The following PLCL1 variants were observed in gnomAD, a reference collection of about 807,000 sequenced individuals.
The protein encoded by PLCL1 is inactive phospholipase C-like protein 1.
PLCL1 carries 41 observed loss-of-function variants against 84.4 expected under a neutral mutation model. That is an observed-to-expected ratio of 0.49 (90% CI 0.38 to 0.63). The LOEUF (loss-of-function observed/expected upper bound fraction) is 0.63. PLCL1 is among the 30% of genes least tolerant of loss of function. PLCL1 has a pLI of 0.00. For synonymous variants in PLCL1, 490 were observed against 488.3 expected (o/e 1.00, Z -0.05); for missense variants, 1,206 against 1,367.8 (o/e 0.88, Z 1.87).
chr2:198,085,154 C>G lies in PLCL1; in HGVS notation c.1637C>G (p.Ser546Cys). 6.2e-7 allele frequency: 1 copy of G among 1,613,998 alleles called. No individual in the cohort carries two copies. The highest frequency in any genetic ancestry group is 8.5e-7 in the Non-Finnish European group (1 of 1,179,926). ...ATTGTGAAAGGAAAGAAGTTGCCTT[C>G]TGATCCAGATGTGTTAGAAGGAGAA... is the stretch of plus-strand genomic sequence containing the variant. ...MIIVKGKKLP[S>C]DPDVLEGEVT... is the part of the protein sequence containing the mutation. The change falls in exon 2 of 6, where the codon TCT becomes TGT. Residue 546 changes from serine (S) to cysteine (C), a missense_variant. By Grantham distance (112) the Ser-to-Cys change is moderately radical. Transcript: ENST00000428675. The surrounding 1 kb of genome is among the most constrained non-coding windows in gnomAD (Gnocchi z 5.3).
intron 1 of PLCL1, among the ~76,000 whole-genome samples, chr2:197,918,505 C>T (rs182255807): frequency 6.6e-5 from 10 of 152,136 alleles, no homozygotes; most frequent in Admixed American, 2.0e-4. Flanking sequence ...ATAGGAGAAA[C>T]GGAGTATGGA....
intron 1 of PLCL1, among the ~76,000 whole-genome samples, chr2:197,962,479 G>T (rs1317067730): frequency 6.6e-6 from 1 of 151,978 alleles, no homozygotes; most frequent in Non-Finnish European, 1.5e-5. Context: ...TACACAGTAG[G>T]TATATATATT....
In PLCL1 at chr2:197,822,261, C is replaced by T. The variant is rs1690829968; in HGVS notation, c.240+16922C>T. ...CCTTCTAGATGTGCAGAATTTGCTTCCAGTCAGCAGGGAGTTGCCTCCCTT... is the reference window on the plus strand; with the variant it reads ...CCTTCTAGATGTGCAGAATTTGCTTTCAGTCAGCAGGGAGTTGCCTCCCTT... On this transcript the variant is annotated intron_variant, in intron 1 of 5. Transcript: ENST00000428675. Among the ~76,000 whole-genome samples, 3 of 152,154 alleles carry T rather than the reference C, an allele frequency of 2.0e-5. No individual in the cohort carries two copies. The South Asian group carries it at 6.2e-4, about 32-fold the overall frequency.
intron 5 of PLCL1, among the ~76,000 whole-genome samples, chr2:198,142,451 G>C (rs934746885): frequency 6.6e-6 from 1 of 152,114 alleles, no homozygotes; most frequent in African/African-American, 2.4e-5. Flanking sequence ...AATTGCATCA[G>C]TTATTTCCTG....
At chr2:197,884,603 A>G (rs1174658662) in intron 1 of PLCL1, among the ~76,000 whole-genome samples, 1 of 152,156 alleles carries the variant, frequency 6.6e-6, no homozygotes, top group Non-Finnish European at 1.5e-5. Flanking sequence ...TCTCCTTAGC[A>G]AATTCTATCA....
intron 1 of PLCL1, among the ~76,000 whole-genome samples, chr2:197,887,375 A>T (rs1687941857): frequency 6.6e-6 from 1 of 152,184 alleles, no homozygotes; most frequent in Non-Finnish European, 1.5e-5. Context: ...ATCTTTTACA[A>T]GATGATCATT....
At chr2:198,057,487 G>A (rs207462781) in intron 1 of PLCL1, among the ~76,000 whole-genome samples, 1 of 152,156 alleles carries the variant, frequency 6.6e-6, no homozygotes, top group African/African-American at 2.4e-5. Context: ...GCAGAGAGAT[G>A]ATTTATCCAA....
chr2:198,079,591 T>C (rs1481528033), intron 1 of PLCL1, among the ~76,000 whole-genome samples: 2 of 152,152 alleles, frequency 1.3e-5, no homozygotes, highest in South Asian at 2.1e-4. Context: ...ATTTGTCTAT[T>C]GCTTTACTAG....
chr2:197,846,429 A>G (rs1687121479), intron 1 of PLCL1, among the ~76,000 whole-genome samples: 1 of 152,148 alleles, frequency 6.6e-6, no homozygotes, highest in African/African-American at 2.4e-5. Flanking sequence ...AGAAGCAAAT[A>G]TTAGGTTTCT....
intron 1 of PLCL1, among the ~76,000 whole-genome samples, chr2:197,843,279 G>C (rs1333751270): frequency 6.6e-6 from 1 of 152,186 alleles, no homozygotes; most frequent in Non-Finnish European, 1.5e-5. Flanking sequence ...GCATTGCCCA[G>C]CGTTTGCCAC....
At chr2:197,990,710 A>G (rs1690329351) in intron 1 of PLCL1, among the ~76,000 whole-genome samples, 1 of 152,204 alleles carries the variant, frequency 6.6e-6, no homozygotes, top group Admixed American at 6.5e-5. Context: ...GCTACAATTC[A>G]AGATGAGATT....
At chr2:198,128,741 T>C (rs993238972) in intron 5 of PLCL1, among the ~76,000 whole-genome samples, 1 of 152,022 alleles carries the variant, frequency 6.6e-6, no homozygotes, top group African/African-American at 2.4e-5. Flanking sequence ...AAGAAGGAGG[T>C]TTATTTTAGG....
At chr2:197,899,857 G>A (rs1476729698) in intron 1 of PLCL1, among the ~76,000 whole-genome samples, 1 of 151,736 alleles carries the variant, frequency 6.6e-6, no homozygotes, top group Non-Finnish European at 1.5e-5. Context: ...GGATGGTCTC[G>A]ATCTCCTGAC....
At chr2:198,123,282 C>T (rs1693913261) in intron 5 of PLCL1, among the ~76,000 whole-genome samples, 1 of 152,000 alleles carries the variant, frequency 6.6e-6, no homozygotes, top group Admixed American at 6.6e-5. Flanking sequence ...CCACTTGCAA[C>T]AGAGATTGGA....
chr2:197,893,604 T>C (rs1688073510), intron 1 of PLCL1, among the ~76,000 whole-genome samples: 1 of 152,216 alleles, frequency 6.6e-6, no homozygotes, highest in African/African-American at 2.4e-5. Flanking sequence ...AGAAGTGAAA[T>C]GATTTGGCTA....
chr2:198,007,160 T>A (rs1690746718), intron 1 of PLCL1, among the ~76,000 whole-genome samples: 2 of 152,162 alleles, frequency 1.3e-5, no homozygotes, highest in Admixed American at 6.5e-5. Flanking sequence ...AAAAATAGGA[T>A]CAGATCATGA....
At chr2:197,870,652 C>G (rs1243147865) in intron 1 of PLCL1, among the ~76,000 whole-genome samples, 2 of 152,104 alleles carry the variant, frequency 1.3e-5, no homozygotes, top group African/African-American at 2.4e-5. Context: ...CAGAAGAGAA[C>G]TTTGAACATC....
At chr2:197,889,182 TAGTG>T (rs1409156751) in intron 1 of PLCL1, among the ~76,000 whole-genome samples, 2 of 152,228 alleles carry the variant, frequency 1.3e-5, no homozygotes, top group African/African-American at 4.8e-5. Context: ...GCATAGTGAC[TAGTG>T]AGTCATGTGG....
intron 5 of PLCL1, among the ~76,000 whole-genome samples, chr2:198,122,130 A>C (rs1693882881): frequency 1.3e-5 from 2 of 152,116 alleles, no homozygotes; most frequent in Non-Finnish European, 2.9e-5. Context: ...TTGTTACTCT[A>C]GAAGAAGCAC....
Sources: allele counts gnomAD v4.1 joint callset (sites outside exome capture counted in the v4.1 genomes callset), GRCh38; gene constraint gnomAD v4.1.1; non-coding constraint Gnocchi (gnomAD v3.1); transcripts MANE v1.5; gene names NCBI Gene and HGNC (gene_info 2026-07-23, HGNC 2026-07-21).